CCDC18: variants seen among roughly 807,000 people sequenced by gnomAD.
CCDC18 encodes coiled-coil domain-containing protein 18.
In CCDC18, 157 loss-of-function variants were observed where a neutral mutation model predicts 196.0. The observed-to-expected ratio is 0.80, with a 90% CI of 0.70 to 0.91. The LOEUF is 0.91. Among genes scored for constraint, CCDC18 ranks in the 40% least tolerant of loss-of-function variants. The pLI is 0.00. For synonymous variants in CCDC18, 482 were observed against 529.2 expected, an observed-to-expected ratio of 0.91 and a Z score of 1.22; for missense variants, 1,465 against 1,611.6, an observed-to-expected ratio of 0.91 and a Z score of 1.56.
At chr1:93,258,716 T>G (rs750856674) in intron 25 of CCDC18, 32 bp from the exon 26 acceptor site, 1 of 1,490,350 alleles carries the variant, frequency 6.7e-7, no homozygotes, top group Non-Finnish European at 8.9e-7. Context: ...TAAACAAGTT[T>G]TATAGCTTTT....
At chr1:93,195,057 G>A (rs894431146) in intron 6 of CCDC18, among the ~76,000 whole-genome samples, 4 of 152,126 alleles carry the variant, frequency 2.6e-5, no homozygotes, top group African/African-American at 9.7e-5. Context: ...TTTTAGTAGA[G>A]ACTGGGTTTC....
intron 6 of CCDC18, among the ~76,000 whole-genome samples, chr1:93,200,526 T>C (rs1653650379): frequency 6.6e-6 from 1 of 152,136 alleles, no homozygotes. Context: ...AACTGTGATA[T>C]ATACTATTTG....
intron 16 of CCDC18, among the ~76,000 whole-genome samples, chr1:93,224,303 C>G (rs1241960338): frequency 6.6e-6 from 1 of 152,122 alleles, no homozygotes; most frequent in Non-Finnish European, 1.5e-5. Context: ...AATACTTTAC[C>G]CCTTTAATAC....
At chr1:93,239,948 C>A (rs772465408) in intron 21 of CCDC18, 52 bp downstream of exon 21, 78 of 1,212,970 alleles carry the variant, frequency 6.4e-5, no homozygotes, top group Non-Finnish European at 8.8e-5. Flanking sequence ...TTGGATAATA[C>A]AATAAAATAT....
intron 21 of CCDC18, among the ~76,000 whole-genome samples, chr1:93,245,722 G>A (rs1202166163): frequency 1.3e-5 from 2 of 152,030 alleles, no homozygotes; most frequent in African/African-American, 4.8e-5. Context: ...CAATTGTAAT[G>A]AAGTCACAAT....
At chr1:93,255,613 G>A (rs2101078295) in intron 24 of CCDC18, among the ~76,000 whole-genome samples, 1 of 152,292 alleles carries the variant, frequency 6.6e-6, no homozygotes, top group East Asian at 1.9e-4. Context: ...ATGCATGCCT[G>A]TGGTCCCAGC....
rs185365289 is a variant in CCDC18, at chr1:93,207,298, G to A, written c.1109G>A (p.Arg370His). Reference protein sequence around the residue: ...LMNENRELKVRVAAQNERLDL... With the variant: ...LMNENRELKVHVAAQNERLDL... The stretch of plus-strand genomic sequence containing the variant: ...AATGAAAACCGAGAATTAAAGGTCC[G>A]TGTTGCAGCACAGAATGAGCGACTA... The change falls in exon 9 of 29, where the codon CGT becomes CAT. Residue 370 changes from arginine (R) to histidine (H), a missense_variant. Coordinates refer to ENST00000690025, the MANE Select transcript of CCDC18 (RefSeq NM_001378204.1). The A allele has an allele frequency of 4.2e-5, 67 of 1,613,428 alleles. No individual in the cohort carries two copies. Among genetic ancestry groups the A allele is most frequent in the East Asian group, 6.7e-5 (3 of 44,826 alleles).
chr1:93,241,291 T>C (rs879378266), intron 21 of CCDC18, among the ~76,000 whole-genome samples: 4 of 152,100 alleles, frequency 2.6e-5, no homozygotes, highest in Non-Finnish European at 5.9e-5. Context: ...TTTCGTGGCC[T>C]CTTTTCTGTT....
intron 6 of CCDC18, chr1:93,200,076 C>T (rs1653559509): frequency 6.6e-6 from 1 of 152,452 alleles, no homozygotes; most frequent in African/African-American, 2.4e-5. Context: ...CCTCAAACCC[C>T]TGCGTTCAAG....
chr1:93,209,188 C>G (rs1467885601), intron 9 of CCDC18, among the ~76,000 whole-genome samples: 1 of 152,060 alleles, frequency 6.6e-6, no homozygotes, highest in African/African-American at 2.4e-5. Context: ...GAACTCCCAA[C>G]CTCAGGTGAT....
chr1:93,220,173 T>C (rs1380369628), intron 14 of CCDC18, among the ~76,000 whole-genome samples: 2 of 152,052 alleles, frequency 1.3e-5, no homozygotes, highest in Admixed American at 1.3e-4. Context: ...AGGGAACAAA[T>C]GTTAAAATTA....
In CCDC18 at chr1:93,221,736, G is replaced by A; in HGVS notation, c.2090G>A (p.Ser697Asn). Residue 697 changes from serine (S) to asparagine (N), a missense_variant, in exon 15 of 29, where the codon AGC (serine) becomes AAC (asparagine). Coordinates refer to ENST00000690025, the MANE Select transcript of CCDC18 (RefSeq NM_001378204.1). ...TCACTAGATAGACTCTTGACGGAAA[G>A]CAAAGGGGTAAAATCATCCTTATAA... ...LESLDRLLTESKGEMKKENMK... is the reference protein window; with the variant it reads ...LESLDRLLTENKGEMKKENMK... The A allele has an allele frequency of 6.3e-7, 1 of 1,597,516 alleles. No homozygotes were observed. Among genetic ancestry groups the A allele is most frequent in the Non-Finnish European group, 8.5e-7 (1 of 1,175,852 alleles).
chr1:93,264,003 G>GT, intron 26 of CCDC18, among the ~76,000 whole-genome samples: 1 of 152,162 alleles, frequency 6.6e-6, no homozygotes, highest in East Asian at 1.9e-4. Flanking sequence ...AAGAAAAGAG[G>GT]TTTAATTGAC....
rs750575126 is a variant in CCDC18, at chr1:93,214,857, C to T, written c.1610C>T (p.Ala537Val). ...CGTACTAAGCTGATACAAATAGAAG[C>T]TGAAAATTCTGATTTGAAGGTTAAC... ...ELRTKLIQIE[A>V]ENSDLKVNMA... Residue 537 changes from alanine (A) to valine (V), a missense_variant, in exon 12 of 29, where the codon GCT (alanine) becomes GTT (valine). Transcript: ENST00000690025. 1 of 1,613,424 alleles carries T rather than the reference C, an allele frequency of 6.2e-7. No individual in the cohort carries two copies. The highest frequency in any genetic ancestry group is 1.7e-5 in the Admixed American group (1 of 59,998).
At chr1:93,244,884 G>T (rs1661289351) in intron 21 of CCDC18, among the ~76,000 whole-genome samples, 1 of 149,728 alleles carries the variant, frequency 6.7e-6, no homozygotes, top group Non-Finnish European at 1.5e-5. Context: ...CTTTTTACTG[G>T]AATAACAGTT....
chr1:93,214,261 T>C (rs1176009521), intron 11 of CCDC18, among the ~76,000 whole-genome samples: 3 of 152,140 alleles, frequency 2.0e-5, no homozygotes, highest in African/African-American at 4.8e-5. Flanking sequence ...GAATTCTCAT[T>C]AGCTAGTTTG....
At chr1:93,267,197 A>C (rs1391541408) in intron 27 of CCDC18, among the ~76,000 whole-genome samples, 1 of 152,236 alleles carries the variant, frequency 6.6e-6, no homozygotes, top group Non-Finnish European at 1.5e-5. Context: ...CAAAAACCAC[A>C]TGATTATCTC....
At chr1:93,249,192 G>C (rs141824886) in intron 23 of CCDC18, among the ~76,000 whole-genome samples, 13 of 152,184 alleles carry the variant, frequency 8.5e-5, no homozygotes, top group Admixed American at 8.5e-4. Context: ...TTCAATCTCA[G>C]TAGGTTGTGT....
At chr1:93,223,345 G>A (rs1234302984) in intron 16 of CCDC18, among the ~76,000 whole-genome samples, 1 of 152,042 alleles carries the variant, frequency 6.6e-6, no homozygotes, top group Non-Finnish European at 1.5e-5. Context: ...AAATATAGAA[G>A]CCAAATTCCT....
Sources: gnomAD v4.1 joint callset for allele counts (sites outside exome capture counted in the v4.1 genomes callset) on GRCh38, gnomAD v4.1.1 for gene constraint, MANE v1.5 for transcripts, NCBI Gene and HGNC (gene_info 2026-07-23, HGNC 2026-07-21) for gene names.